The following NME6 variants were observed in gnomAD, a reference collection of about 807,000 sequenced individuals.
The protein encoded by NME6 is nucleoside diphosphate kinase 6, mitochondrial.
A neutral mutation model predicts 22.2 loss-of-function variants in NME6; 16 were observed. The observed-to-expected ratio is 0.72, with a 90% confidence interval of 0.49 to 1.09. The LOEUF is 1.09. Among genes scored for constraint, NME6 ranks in the 50% least tolerant of loss-of-function variants. The pLI is 0.00. For synonymous variants in NME6, 58 were observed against 85.2 expected, an observed-to-expected ratio of 0.68 and a Z score of 1.76; for missense variants, 229 against 239.0, an observed-to-expected ratio of 0.96 and a Z score of 0.28.
chr3:48,294,984 A>C (rs751139993), intron 5 of NME6, 91 bp downstream of exon 5: 32 of 1,496,210 alleles, frequency 2.1e-5, no homozygotes, highest in Non-Finnish European at 2.7e-5. Context: ...CAAATGGAAG[A>C]AAGCTCACTG....
rs1427049291 is a variant in NME6 at position 48,294,600 on chromosome 3, A to G, written c.*37T>C. On this transcript the variant is annotated 3_prime_UTR_variant, in exon 6 of 6. Transcript: ENST00000442597. ...ATGTTTTAGACTAGATGTCTAGGAG[A>G]AGTCTGGGCACTACCACTGGTCTTC... The G allele has an allele frequency of 6.2e-7, 1 of 1,601,696 alleles. No homozygotes were observed. The highest frequency in any genetic ancestry group is 2.2e-5 in the East Asian group (1 of 44,550).
intron 2 of NME6, chr3:48,297,506 A>C (rs2035240003): frequency 6.6e-6 from 1 of 152,454 alleles, no homozygotes; most frequent in South Asian, 2.1e-4. Flanking sequence ...TAGCAGTGCT[A>C]CTCAGTTAGT....
intron 2 of NME6, chr3:48,298,220 T>C: frequency 1.7e-6 from 1 of 601,448 alleles, no homozygotes; most frequent in Non-Finnish European, 3.0e-6. Flanking sequence ...GGTTCTATTA[T>C]TGCTTTGGGT....
At chr3:48,301,182 G>A (rs1487761721) in intron 1 of NME6, 171 bp downstream of exon 1, 14 of 1,333,450 alleles carry the variant, frequency 1.0e-5, no homozygotes, top group Non-Finnish European at 1.3e-5. Flanking sequence ...CTACCCCCGT[G>A]GCCACGCCCT....
chr3:48,301,198 C>T, intron 1 of NME6, 155 bp downstream of exon 1: 1 of 1,441,578 alleles, frequency 6.9e-7, no homozygotes, highest in South Asian at 1.3e-5. Context: ...GCCCTCCAGC[C>T]CCCCGGGCTC....
Position 48,294,555 on chromosome 3 carries a change from G to T in NME6, c.*82C>A. ...CAGCAGAAATGGCACTGTAAGCCAGGCTTCCCTGGTCCTAGGAGAATGTTT... is the reference window on the plus strand; with the variant it reads ...CAGCAGAAATGGCACTGTAAGCCAGTCTTCCCTGGTCCTAGGAGAATGTTT... On this transcript the variant is annotated 3_prime_UTR_variant, in exon 6 of 6. Coordinates refer to ENST00000442597, the MANE Select transcript of NME6 (RefSeq NM_001308426.2). 1 of 1,485,854 alleles carries T rather than the reference G, an allele frequency of 6.7e-7. No homozygotes were observed. The highest frequency in any genetic ancestry group is 9.2e-7 in the Non-Finnish European group (1 of 1,085,212). 92.0% of individuals were successfully genotyped at this position (1,485,854 alleles called of 1,614,324 possible). A position where few individuals can be genotyped will look rare whatever the true frequency, so the allele number is the denominator to read the frequency against.
Position 48,294,493 on chromosome 3 carries a change from C to T in NME6, c.*144G>A. On this transcript the variant is annotated 3_prime_UTR_variant, in exon 6 of 6. Coordinates refer to ENST00000442597, the MANE Select transcript of NME6 (RefSeq NM_001308426.2). Reference sequence around the variant, plus strand: ...AGAAGGCTAGATCCTGGAGGATGTGCTGTGGTGAGCTAGGCCCTCAGGCAG... The same window carrying T: ...AGAAGGCTAGATCCTGGAGGATGTGTTGTGGTGAGCTAGGCCCTCAGGCAG... 1 of 680,526 alleles carries T rather than the reference C, an allele frequency of 1.5e-6. No homozygotes were observed. The highest frequency in any genetic ancestry group is 2.5e-6 in the Non-Finnish European group (1 of 400,828). The allele number at this position is 680,526 out of a possible 1,614,324, so 42.2% of individuals were successfully genotyped here. A position where few individuals can be genotyped will look rare whatever the true frequency, so the allele number is the denominator to read the frequency against.
chr3:48,300,405 G>T, intron 1 of NME6: 6 of 451,136 alleles, frequency 1.3e-5, no homozygotes, highest in South Asian at 9.4e-5. Flanking sequence ...TCCTGAATGT[G>T]CTTTCTCTGG....
chr3:48,288,235 G>C (rs75731614), downstream of NME6, among the ~76,000 whole-genome samples: 156 of 151,924 alleles, frequency 1.0e-3, no homozygotes, highest in Admixed American at 4.4e-3. Context: ...ACAAAAATTC[G>C]TCCAGCATAA....
downstream of NME6, among the ~76,000 whole-genome samples, chr3:48,289,923 A>G (rs2034337477): frequency 6.6e-6 from 1 of 152,264 alleles, no homozygotes; most frequent in South Asian, 2.1e-4. Context: ...AGTGACTTCT[A>G]GATTATATTT....
rs1468773506 is a variant in NME6 at position 48,296,770 on chromosome 3, C to T, written c.150G>A (p.Leu50=). The T allele has an allele frequency of 6.2e-7, 1 of 1,613,902 alleles. No homozygotes were observed. The highest frequency in any genetic ancestry group is 1.7e-5 in the Admixed American group (1 of 60,018). ...ACCTCTGGCAATCTTCCTTTCTCCA[C>T]AGTAGTTCTCTCATTCGTACAATCA... is the stretch of plus-strand genomic sequence containing the variant. ...KFLIVRMREL[L]WRKEDCQRFY... is the part of the protein sequence containing the mutation. The change falls in exon 3 of 6, where the codon CTG becomes CTA. Residue 50 remains leucine (L), a synonymous_variant. Coordinates refer to ENST00000442597, the MANE Select transcript of NME6 (RefSeq NM_001308426.2).
At chr3:48,296,384 G>A (rs1023247782) in intron 3 of NME6, 5 of 640,422 alleles carry the variant, frequency 7.8e-6, no homozygotes, top group South Asian at 3.8e-5. Context: ...ATCTGCGTAC[G>A]AGGGATATAA....
Position 48,301,308 on chromosome 3 carries a change from G to T in NME6, c.-8+45C>A, listed in dbSNP as rs748569515. 250 of 1,595,396 alleles carry T rather than the reference G, an allele frequency of 1.6e-4. 1 individual carries two copies. Among genetic ancestry groups the T allele is most frequent in the Non-Finnish European group, 2.1e-4 (246 of 1,171,398 alleles). ...GGCCTAAGCCCACCCCAGATTCTGG[G>T]TCATTCGGAGCCCCAGTGCAGCAGA... On this transcript the variant is annotated intron_variant, in intron 1 of 5. Transcript: ENST00000442597.
intron 5 of NME6, 116 bp downstream of exon 5, chr3:48,294,959 C>T: frequency 1.4e-6 from 2 of 1,448,404 alleles, no homozygotes; most frequent in South Asian, 2.6e-5. Flanking sequence ...AACATGGCTA[C>T]AAAGACCAGA....
At chr3:48,296,930 C>T (rs1219536153) in intron 2 of NME6, 101 bp from the exon 3 acceptor site, 4 of 852,358 alleles carry the variant, frequency 4.7e-6, no homozygotes, top group Non-Finnish European at 7.4e-6. Context: ...GAGGGTTTGT[C>T]CCATTGAAGG....
intron 1 of NME6, 83 bp downstream of exon 1, chr3:48,301,270 C>T (rs1469860825): frequency 6.3e-7 from 1 of 1,595,684 alleles, no homozygotes; most frequent in Admixed American, 1.7e-5. Flanking sequence ...CAGCCCTCAC[C>T]CCTCGTACCC....
Position 48,296,105 on chromosome 3 carries a change from CA to C in NME6, c.233+13del. The C allele has an allele frequency of 6.3e-7, 1 of 1,582,348 alleles. No homozygotes were observed. The highest frequency in any genetic ancestry group is 8.7e-7 in the Non-Finnish European group (1 of 1,151,060). ...CCTCAGTGGATAAAGATGCTGGAAC[CA>C]AATTTGAAGTACCTGGCCATGAACT... On this transcript the variant is annotated intron_variant, in intron 4 of 5. Coordinates refer to ENST00000442597, the MANE Select transcript of NME6 (RefSeq NM_001308426.2).
intron 1 of NME6, chr3:48,298,936 A>G (rs1337190522): frequency 4.3e-6 from 3 of 702,812 alleles, no homozygotes; most frequent in Non-Finnish European, 7.8e-6. Context: ...TTCATCTCTT[A>G]AAATCTTCCA....
chr3:48,288,843 T>A (rs2034288839), downstream of NME6: 1 of 152,062 alleles, frequency 6.6e-6, no homozygotes, highest in South Asian at 2.1e-4. Flanking sequence ...TACATTTAAG[T>A]TGGGACCTAA....
Sources: allele counts gnomAD v4.1 joint callset (sites outside exome capture counted in the v4.1 genomes callset), GRCh38; gene constraint gnomAD v4.1.1; transcripts MANE v1.5; gene names NCBI Gene and HGNC (gene_info 2026-07-23, HGNC 2026-07-21).